Variants in NRK observed in about 807,000 individuals in gnomAD.
NRK encodes the protein Nik related kinase, also known as nik-related protein kinase.
Under a neutral mutation model 125.2 loss-of-function variants are expected in NRK, and 67 were observed. The observed-to-expected ratio is 0.54, with a 90% CI of 0.44 to 0.66. NRK has a LOEUF of 0.66. NRK is among the 30% of genes least tolerant of loss of function. The pLI is 0.00. For missense variants in NRK, 1,224 were observed against 1,192.9 expected (o/e 1.03, Z -0.38); for synonymous variants, 458 against 429.0 (o/e 1.07, Z -0.84).
chrX:105,885,895 A>G (rs979645372), intron 4 of NRK, among the ~76,000 whole-genome samples: 5 of 112,052 alleles, frequency 4.5e-5, no homozygotes, highest in African/African-American at 1.6e-4. Flanking sequence ...TCCCACTAAC[A>G]TTCCATGAAG....
chrX:105,956,968 A>G lies in NRK; in HGVS notation c.*1368A>G, dbSNP rs1389848331. The G allele has an allele frequency of 8.9e-6, 1 of 112,465 alleles. No homozygotes were observed. Among genetic ancestry groups the G allele is most frequent in the Non-Finnish European group, 1.9e-5 (1 of 53,197 alleles). The allele number at this position is 112,465 out of a possible 1,213,427, so 9.3% of individuals were successfully genotyped here. The stretch of plus-strand genomic sequence containing the variant: ...CTAGTTCTGCTTCTAAAATCTGAGG[A>G]CAGTGCTAGTGGGAAAATAATTTTC... On this transcript the variant is annotated 3_prime_UTR_variant, in exon 29 of 29. Transcript: ENST00000243300.
chrX:105,899,033 CA>C (rs914104232), intron 8 of NRK, among the ~76,000 whole-genome samples: 3 of 110,872 alleles, frequency 2.7e-5, no homozygotes, highest in African/African-American at 9.8e-5. Context: ...ATTTAACTTC[CA>C]GGAGCAAAGG....
chrX:105,929,443 T>C (rs1352145626), intron 19 of NRK, among the ~76,000 whole-genome samples: 1 of 110,773 alleles, frequency 9.0e-6, no homozygotes, highest in Non-Finnish European at 1.9e-5. Context: ...TTTATTTTTA[T>C]TTTTTTTACT....
Position 105,923,388 on chromosome X carries a change from C to A in NRK, c.2881C>A (p.Gln961Lys), listed in dbSNP as rs2040478628. The change falls in exon 18 of 29, where the codon CAG (glutamine) becomes AAG (lysine). Residue 961 changes from glutamine (Q) to lysine (K), a missense_variant. Physicochemically the swap from Gln to Lys is moderately conservative, Grantham distance 53 (BLOSUM62 1). Transcript: ENST00000243300. ...GNDDLDNQVD[Q>K]ANDVCKDHDD... is the part of the protein sequence containing the mutation. ...TGATGACTTGGATAACCAGGTTGAT[C>A]AGGCTAATGATGTTTGTAAAGACCA... 8.6e-7 allele frequency: 1 copy of A among 1,156,986 alleles called. No individual in the cohort carries two copies. The highest frequency in any genetic ancestry group is 2.6e-5 in the Admixed American group (1 of 38,713).
intron 4 of NRK, among the ~76,000 whole-genome samples, chrX:105,884,041 A>G (rs2039914124): frequency 8.9e-6 from 1 of 112,436 alleles, no homozygotes; most frequent in Non-Finnish European, 1.9e-5. Flanking sequence ...TTTGAAGGGA[A>G]CTTATTAACT....
At position 105,828,596 on chromosome X, in the gene NRK, T is replaced by C. The variant is rs1353946372; in HGVS notation, c.58-2458T>C. Among the ~76,000 whole-genome samples the C allele has an allele frequency of 2.7e-5, 3 of 112,014 alleles. No homozygotes were observed. In the South Asian group the frequency reaches 1.1e-3, roughly 41 times the overall value. On this transcript the variant is annotated intron_variant, in intron 1 of 28. Coordinates refer to ENST00000243300, the MANE Select transcript of NRK (RefSeq NM_198465.4). ...ACTATAGCAAAGAATAGTTTACCAA[T>C]AGGAATCAGCTAACATGTTTGATTA...
Position 105,908,306 on chromosome X carries a change from G to A in NRK, c.1085+3G>A. 1.0e-6 allele frequency: 1 copy of A among 985,958 alleles called. No homozygotes were observed. Among genetic ancestry groups the A allele is most frequent in the Non-Finnish European group, 1.4e-6 (1 of 727,396 alleles). The allele number at this position is 985,958 out of a possible 1,213,427, so 81.3% of individuals were successfully genotyped here. A position where few individuals can be genotyped will look rare whatever the true frequency, so the allele number is the denominator to read the frequency against. The stretch of plus-strand genomic sequence containing the variant: ...CAGTACACCGTGAGAAGATTCAGGT[G>A]CGTTCCACAAATTGCATATATAATT... On this transcript the variant is annotated splice_donor_region_variant and intron_variant, in intron 12 of 28. Transcript: ENST00000243300.
chrX:105,949,026 T>G (rs2040856581), intron 26 of NRK, among the ~76,000 whole-genome samples: 1 of 111,539 alleles, frequency 9.0e-6, no homozygotes, highest in South Asian at 3.7e-4. Flanking sequence ...AATTCTAACT[T>G]TTTTGCAAAG....
chrX:105,898,464 G>C, intron 7 of NRK, 120 bp from the exon 8 acceptor site: 1 of 595,664 alleles, frequency 1.7e-6, no homozygotes, highest in Non-Finnish European at 2.5e-6. Context: ...AAGTTTGCTA[G>C]GCTGGAATGA....
chrX:105,904,020 T>A (rs2040190616), intron 9 of NRK, among the ~76,000 whole-genome samples: 1 of 112,352 alleles, frequency 8.9e-6, no homozygotes, highest in Non-Finnish European at 1.9e-5. Context: ...CTTTAAACAA[T>A]TGCCTTTGTA....
chrX:105,866,164 C>A (rs950006128), intron 2 of NRK, among the ~76,000 whole-genome samples: 5 of 111,008 alleles, frequency 4.5e-5, no homozygotes, highest in Non-Finnish European at 9.4e-5. Flanking sequence ...AATTAAAAAT[C>A]TATTAGAATA....
chrX:105,888,439 G>A lies in NRK; in HGVS notation c.378+20G>A, dbSNP rs962758453. 2 of 1,143,271 alleles carry A rather than the reference G, an allele frequency of 1.7e-6. No homozygotes were observed. Among genetic ancestry groups the A allele is most frequent in the Non-Finnish European group, 2.3e-6 (2 of 855,063 alleles). The allele number at this position is 1,143,271 out of a possible 1,213,427, so 94.2% of individuals were successfully genotyped here. A position where few individuals can be genotyped will look rare whatever the true frequency, so the allele number is the denominator to read the frequency against. On this transcript the variant is annotated intron_variant, in intron 5 of 28. Coordinates refer to ENST00000243300, the MANE Select transcript of NRK (RefSeq NM_198465.4). ...CTTTGGGTATGTTTTTAATTACACT[G>A]TTCTTATTCTATAAGAATAAGTTTT...
chrX:105,930,258 C>CT lies in NRK; in HGVS notation c.3313-3991dup, dbSNP rs751741058. ...ATAAGTTCTATAGGCTCTCTTTATT[C>CT]TTTTTTTTTCTCTTTTTTCTTTTCT... is the stretch of plus-strand genomic sequence containing the variant. On this transcript the variant is annotated intron_variant, in intron 19 of 28. Transcript: ENST00000243300. Among the ~76,000 whole-genome samples, 599 of 109,559 alleles carry CT rather than the reference C, an allele frequency of 5.5e-3. 5 individuals are homozygous for CT. Among genetic ancestry groups the CT allele is most frequent in the African/African-American group, 0.018 (553 of 30,255 alleles).
In NRK at chrX:105,906,567, C is replaced by T. The variant is rs752058975; in HGVS notation, c.999C>T (p.Ile333=). The change falls in exon 11 of 29, where the codon ATC becomes ATT. Residue 333 remains isoleucine (I), a synonymous_variant. Coordinates refer to ENST00000243300, the MANE Select transcript of NRK (RefSeq NM_198465.4). ...CATTAACAAGGCATCTTACTGGAATCATTAAAAAAAGACAGAAAAAAGGTA... is the reference window on the plus strand; with the variant it reads ...CATTAACAAGGCATCTTACTGGAATTATTAAAAAAAGACAGAAAAAAGGTA... ...VESLTRHLTG[I]IKKRQKKGIP... 9.2e-7 allele frequency: 1 copy of T among 1,081,918 alleles called. No individual in the cohort carries two copies. Among genetic ancestry groups the T allele is most frequent in the Admixed American group, 2.7e-5 (1 of 37,552 alleles). The allele number at this position is 1,081,918 out of a possible 1,213,427, so 89.2% of individuals were successfully genotyped here.
intron 2 of NRK, among the ~76,000 whole-genome samples, chrX:105,854,731 C>G (rs927332829): frequency 1.8e-5 from 2 of 111,681 alleles, no homozygotes; most frequent in Non-Finnish European, 3.8e-5. Context: ...TTGTAATTGG[C>G]TCCTTTTATT....
chrX:105,872,616 G>A (rs962883811), intron 2 of NRK, among the ~76,000 whole-genome samples: 8 of 111,317 alleles, frequency 7.2e-5, no homozygotes, highest in Non-Finnish European at 3.8e-5. Flanking sequence ...AACCCTGAAT[G>A]TTCTGATCCC....
chrX:105,944,943 C>T (rs1427489472), intron 24 of NRK, among the ~76,000 whole-genome samples: 1 of 111,941 alleles, frequency 8.9e-6, no homozygotes, highest in East Asian at 2.8e-4. Flanking sequence ...GTGTCTTAAA[C>T]AACTAACCTT....
At chrX:105,855,713 C>G (rs2039523370) in intron 2 of NRK, among the ~76,000 whole-genome samples, 1 of 111,856 alleles carries the variant, frequency 8.9e-6, no homozygotes, top group African/African-American at 3.2e-5. Context: ...ATGAGATCCA[C>G]TAAACCACTG....
At chrX:105,841,462 G>A (rs377005338) in intron 2 of NRK, among the ~76,000 whole-genome samples, 16 of 111,593 alleles carry the variant, frequency 1.4e-4, no homozygotes, top group East Asian at 8.5e-4. Context: ...ATGATATGAC[G>A]GTAGTTTATG....
Sources: allele counts gnomAD v4.1 joint callset (sites outside exome capture counted in the v4.1 genomes callset), GRCh38; gene constraint gnomAD v4.1.1; transcripts MANE v1.5; gene names NCBI Gene and HGNC (gene_info 2026-07-23, HGNC 2026-07-21).